Variants in SFSWAP observed in about 807,000 individuals in gnomAD.
The protein encoded by SFSWAP is splicing factor SWAP.
Under a neutral mutation model 100.7 loss-of-function variants are expected in SFSWAP, and 17 were observed. That is an observed-to-expected ratio of 0.17 (90% CI 0.12 to 0.25). The LOEUF is 0.25. SFSWAP is among the 10% of genes least tolerant of loss of function. SFSWAP has a pLI of 1.00. For synonymous variants in SFSWAP, 504 were observed against 510.1 expected, an observed-to-expected ratio of 0.99 and a Z score of 0.16; for missense variants, 1,005 against 1,262.6, an observed-to-expected ratio of 0.80 and a Z score of 3.09.
chr12:131,760,225 G>A (rs1882537532), intron 11 of SFSWAP, among the ~76,000 whole-genome samples: 2 of 152,140 alleles, frequency 1.3e-5, no homozygotes, highest in African/African-American at 4.8e-5. Flanking sequence ...TCTAATGGGG[G>A]CATGGCCTGA....
intron 13 of SFSWAP, among the ~76,000 whole-genome samples, chr12:131,772,478 C>T (rs972184380): frequency 1.3e-5 from 2 of 152,180 alleles, no homozygotes; most frequent in African/African-American, 2.4e-5. Flanking sequence ...GGAGAGTTCC[C>T]TTGACCCTTC....
Position 131,756,458 on chromosome 12 carries a change from A to G in SFSWAP, c.1549-15A>G, listed in dbSNP as rs1433897451. ...AATTTCCTGCTGACAGTTTATAGTG[A>G]CATTTAATCTCTAGGCTGTGTCTGC... On this transcript the variant is annotated splice_polypyrimidine_tract_variant and intron_variant, in intron 10 of 17. Transcript: ENST00000261674. The G allele has an allele frequency of 6.2e-7, 1 of 1,611,586 alleles. No individual in the cohort carries two copies. The highest frequency in any genetic ancestry group is 8.5e-7 in the Non-Finnish European group (1 of 1,178,696).
intron 15 of SFSWAP, among the ~76,000 whole-genome samples, chr12:131,788,132 A>G (rs1237877547): frequency 6.6e-6 from 1 of 152,236 alleles, no homozygotes; most frequent in African/African-American, 2.4e-5. Flanking sequence ...TCAACAGAAG[A>G]GGCCTTGCTT....
At position 131,792,085 on chromosome 12, in the gene SFSWAP, T is replaced by C. The variant is rs1256656446; in HGVS notation, c.2535-5093T>C. 5.3e-5 allele frequency among the ~76,000 whole-genome samples: 8 copies of C among 151,044 alleles called. No individual in the cohort carries two copies. In the East Asian group the frequency reaches 1.4e-3, roughly 26 times the overall value. ...CACGTGTGTGTTCACGGATCATTACTGTGTGTGCGCCCATGTGTGTTCACG... is the reference window on the plus strand; with the variant it reads ...CACGTGTGTGTTCACGGATCATTACCGTGTGTGCGCCCATGTGTGTTCACG... On this transcript the variant is annotated intron_variant, in intron 15 of 17. Coordinates refer to ENST00000261674, the MANE Select transcript of SFSWAP (RefSeq NM_004592.4).
intron 11 of SFSWAP, among the ~76,000 whole-genome samples, chr12:131,760,549 ACC>A (rs1566035472): frequency 6.6e-6 from 1 of 152,230 alleles, no homozygotes; most frequent in Non-Finnish European, 1.5e-5. Flanking sequence ...AGTCGATAGA[ACC>A]CAGTAATATG....
chr12:131,733,983 A>G lies in SFSWAP; in HGVS notation c.1081+5555A>G. 6.6e-6 allele frequency among the ~76,000 whole-genome samples: 1 copy of G among 152,120 alleles called. No homozygotes were observed. The highest frequency in any genetic ancestry group is 1.5e-5 in the Non-Finnish European group (1 of 67,990). On this transcript the variant is annotated intron_variant, in intron 7 of 17. Coordinates refer to ENST00000261674, the MANE Select transcript of SFSWAP (RefSeq NM_004592.4). The surrounding 1 kb of genome is among the most constrained non-coding windows in gnomAD (Gnocchi z 5.1). ...ACCCTGGGGCAGGGTGACACATGGG[A>G]GCAGGTCAGTGCCCTGTGTGTGGCT...
At chr12:131,762,647 T>C (rs911407189) in intron 11 of SFSWAP, among the ~76,000 whole-genome samples, 1 of 152,216 alleles carries the variant, frequency 6.6e-6, no homozygotes, top group Non-Finnish European at 1.5e-5. Context: ...GCTGGAGTAG[T>C]GCAGTGGCGT....
rs1280043762 is a variant in SFSWAP at position 131,711,919 on chromosome 12, A to ACAGT, written c.218+473_218+476dup. Reference sequence around the variant, plus strand: ...TTCTTCCGAACCGCCGCTCACTGAGACAGTGGCTAGAAGTGTCTCTTGGAC... The same window carrying ACAGT: ...TTCTTCCGAACCGCCGCTCACTGAGACAGTCAGTGGCTAGAAGTGTCTCTTGGAC... On this transcript the variant is annotated intron_variant, in intron 1 of 17. Transcript: ENST00000261674. This position sits in a 1 kb window ranked among gnomAD's most constrained non-coding sequence, Gnocchi z 4.9. The ACAGT allele has an allele frequency of 5.7e-6, 1 of 176,350 alleles. No homozygotes were observed. The highest frequency in any genetic ancestry group is 1.2e-5 in the Non-Finnish European group (1 of 81,342). 10.9% of individuals were successfully genotyped at this position (176,350 alleles called of 1,614,324 possible).
intron 15 of SFSWAP, among the ~76,000 whole-genome samples, chr12:131,787,617 G>A (rs1023882462): frequency 3.9e-5 from 6 of 152,332 alleles, no homozygotes; most frequent in Middle Eastern, 3.4e-3. Context: ...ACTGCTAAGT[G>A]CATGGGGGTC....
chr12:131,780,961 G>T (rs186445694), intron 14 of SFSWAP, among the ~76,000 whole-genome samples: 2 of 152,156 alleles, frequency 1.3e-5, no homozygotes, highest in Admixed American at 1.3e-4. Flanking sequence ...GATATTTCCG[G>T]GTATCCTACC....
chr12:131,716,280 T>C (rs1877906936), intron 3 of SFSWAP, among the ~76,000 whole-genome samples: 1 of 152,224 alleles, frequency 6.6e-6, no homozygotes, highest in Admixed American at 6.5e-5. Context: ...GTAATTGTAA[T>C]TATACTGAGT....
intron 13 of SFSWAP, among the ~76,000 whole-genome samples, chr12:131,767,933 T>TA (rs1226532498): frequency 6.6e-6 from 1 of 152,176 alleles, no homozygotes; most frequent in Non-Finnish European, 1.5e-5. Flanking sequence ...TTGGAAAGAA[T>TA]AAAAAAGGTA....
intron 7 of SFSWAP, among the ~76,000 whole-genome samples, chr12:131,746,947 AC>A (rs1286476168): frequency 5.9e-5 from 9 of 152,072 alleles, no homozygotes; most frequent in African/African-American, 1.7e-4. Flanking sequence ...TACTAAAAAT[AC>A]AAAAAATTAG....
At chr12:131,736,499 C>T (rs1388678211) in intron 7 of SFSWAP, among the ~76,000 whole-genome samples, 2 of 152,072 alleles carry the variant, frequency 1.3e-5, no homozygotes, top group Admixed American at 6.5e-5. Context: ...ATCTGCAGTG[C>T]GAATAATTCA....
intron 11 of SFSWAP, among the ~76,000 whole-genome samples, chr12:131,763,848 C>T (rs1274121970): frequency 1.3e-5 from 2 of 150,630 alleles, no homozygotes; most frequent in Admixed American, 6.6e-5. Flanking sequence ...AAAATGAGGC[C>T]GGGCACAGTG....
chr12:131,785,489 A>T (rs1884827855), intron 14 of SFSWAP: 1 of 360,564 alleles, frequency 2.8e-6, no homozygotes, highest in African/African-American at 2.1e-5. Context: ...ATGAGTTGTC[A>T]TGGAAACAAA....
chr12:131,753,715 T>C (rs563937202), intron 8 of SFSWAP, among the ~76,000 whole-genome samples: 1 of 152,344 alleles, frequency 6.6e-6, no homozygotes, highest in Admixed American at 6.5e-5. Flanking sequence ...TTGCAAAACA[T>C]GCAGGTTCAT....
chr12:131,782,771 C>T (rs938564311), intron 14 of SFSWAP, among the ~76,000 whole-genome samples: 6 of 152,076 alleles, frequency 3.9e-5, no homozygotes, highest in African/African-American at 9.7e-5. Context: ...AAGTTATGGG[C>T]GACTCTGGAT....
rs1885500679 is a variant in SFSWAP, at chr12:131,794,634, G to C, written c.2535-2544G>C. On this transcript the variant is annotated intron_variant, in intron 15 of 17. Coordinates refer to ENST00000261674, the MANE Select transcript of SFSWAP (RefSeq NM_004592.4). The surrounding 1 kb of genome is among the most constrained non-coding windows in gnomAD (Gnocchi z 4.8). ...TTTAAGCTGTGTCCTAGAAACCAGA[G>C]CAGTGGGGAACGCTGAGGGTGGAGA... 6.6e-6 allele frequency among the ~76,000 whole-genome samples: 1 copy of C among 152,228 alleles called. No homozygotes were observed. The highest frequency in any genetic ancestry group is 6.5e-5 in the Admixed American group (1 of 15,284).
Sources: allele counts gnomAD v4.1 joint callset (sites outside exome capture counted in the v4.1 genomes callset), GRCh38; gene constraint gnomAD v4.1.1; non-coding constraint Gnocchi (gnomAD v3.1); transcripts MANE v1.5; gene names NCBI Gene and HGNC (gene_info 2026-07-23, HGNC 2026-07-21).